PAX6: variants seen among roughly 807,000 people sequenced by gnomAD.
The protein encoded by PAX6 is paired box protein Pax-6.
A neutral mutation model predicts 60.7 loss-of-function variants in PAX6; 7 were observed. The observed-to-expected ratio is 0.12, with a 90% CI of 0.07 to 0.22. The LOEUF (loss-of-function observed/expected upper bound fraction) is 0.22. PAX6 is among the 10% of genes least tolerant of loss of function. The probability of loss-of-function intolerance (pLI) is 1.00; values close to 1 mark genes in which losing one functional copy is unlikely to be tolerated. For synonymous variants in PAX6, 208 were observed against 201.2 expected (o/e 1.03, Z -0.29); for missense variants, 355 against 555.2 (o/e 0.64, Z 3.62).
intron 8 of PAX6, among the ~76,000 whole-genome samples, chr11:31,797,661 G>T (rs897059341): frequency 6.6e-6 from 1 of 152,182 alleles, no homozygotes; most frequent in African/African-American, 2.4e-5. Flanking sequence ...GCAGCCAGGC[G>T]GTGACCTAGC....
At chr11:31,794,994 G>A (rs1057102698) in intron 8 of PAX6, among the ~76,000 whole-genome samples, 5 of 152,168 alleles carry the variant, frequency 3.3e-5, no homozygotes, top group Admixed American at 1.3e-4. Flanking sequence ...TTATCAAGAT[G>A]AGACTTTATA....
intron 8 of PAX6, among the ~76,000 whole-genome samples, chr11:31,798,950 C>A (rs1952617151): frequency 6.6e-6 from 1 of 151,892 alleles, no homozygotes; most frequent in Non-Finnish European, 1.5e-5. Flanking sequence ...CCGGGGAGAG[C>A]CCGGAGTGGA....
At chr11:31,794,890 C>G in intron 8 of PAX6, 102 bp from the exon 9 acceptor site, 1 of 1,074,156 alleles carries the variant, frequency 9.3e-7, no homozygotes, top group Admixed American at 1.8e-5. Context: ...TATATCCCGA[C>G]AGCCTCACCA....
intron 4 of PAX6, 151 bp downstream of exon 4, chr11:31,806,251 G>T (rs1368082094): frequency 2.7e-6 from 2 of 746,586 alleles, no homozygotes; most frequent in Non-Finnish European, 4.1e-6. Context: ...GGGCTGCCGG[G>T]CGCGGAGCGG....
intron 4 of PAX6, 39 bp downstream of exon 4, chr11:31,806,363 C>A (rs758458886): frequency 1.3e-6 from 2 of 1,598,028 alleles, no homozygotes; most frequent in Non-Finnish European, 1.7e-6. Flanking sequence ...GGTCCGCGCA[C>A]CCCGAGCCCG....
chr11:31,790,977 C>T (rs746225191), intron 12 of PAX6, 117 bp from the exon 13 acceptor site: 72 of 1,050,448 alleles, frequency 6.9e-5, no homozygotes, highest in Non-Finnish European at 9.5e-5. Flanking sequence ...GATGCCTTCA[C>T]GTGAAGTACT....
chr11:31,800,434 C>T, intron 8 of PAX6: 1 of 587,952 alleles, frequency 1.7e-6, no homozygotes, highest in Non-Finnish European at 3.1e-6. Context: ...GTGCTGCCCA[C>T]AAACACACAC....
chr11:31,790,023 G>C lies in PAX6; in HGVS notation c.1226-4C>G, dbSNP rs11031477. On this transcript the variant is annotated splice_polypyrimidine_tract_variant and splice_region_variant and intron_variant, in intron 13 of 13. Coordinates refer to ENST00000640368, the MANE Select transcript of PAX6 (RefSeq NM_001368894.2). ...GACACACCAGGGGAAATGAGTCCTA[G>C]AAGTGGATGAAAGAAATAGCCATGT... The C allele has an allele frequency of 1.4e-6, 2 of 1,478,344 alleles. No individual in the cohort carries two copies. The highest frequency in any genetic ancestry group is 9.0e-7 in the Non-Finnish European group (1 of 1,106,862). 91.6% of individuals were successfully genotyped at this position (1,478,344 alleles called of 1,614,324 possible).
chr11:31,799,212 A>G (rs1436951755), intron 8 of PAX6, among the ~76,000 whole-genome samples: 2 of 152,188 alleles, frequency 1.3e-5, no homozygotes, highest in African/African-American at 4.8e-5. Context: ...GGTGGGGTCA[A>G]TCGCTAGTCT....
chr11:31,806,472 A>G lies in PAX6; in HGVS notation c.-51-10T>C. ...GCTCGAATATGGGGCTCTGTTAGCA[A>G]GAAAATAGGAGTTAATCCTCGGGCA... On this transcript the variant is annotated splice_polypyrimidine_tract_variant and intron_variant, in intron 3 of 13. Transcript: ENST00000640368. 6.3e-7 allele frequency: 1 copy of G among 1,583,122 alleles called. No individual in the cohort carries two copies. Among genetic ancestry groups the G allele is most frequent in the Admixed American group, 1.8e-5 (1 of 56,596 alleles).
At chr11:31,806,334 T>G in intron 4 of PAX6, 68 bp downstream of exon 4, 2 of 1,563,284 alleles carry the variant, frequency 1.3e-6, no homozygotes, top group Non-Finnish European at 8.7e-7. Context: ...CGAGTCCCTG[T>G]GTCCTCCCCT....
At chr11:31,807,277 G>C (rs1486897106) in intron 2 of PAX6, 1 of 152,616 alleles carries the variant, frequency 6.6e-6, no homozygotes, top group African/African-American at 2.4e-5. Flanking sequence ...GGGGTGTGAG[G>C]GGAGAGGAAT....
In PAX6 at chr11:31,790,770, G is replaced by A. The variant is rs1474010002; in HGVS notation, c.1165C>T (p.Pro389Ser). The change falls in exon 13 of 14, where the codon CCA (proline) becomes TCA (serine). Residue 389 changes from proline to serine, a missense_variant. Around this residue, in one of 5 missense-constraint regions of PAX6, gnomAD observed 149 missense variants for 191.9 expected, o/e 0.78. Transcript: ENST00000640368. Reference protein sequence around the residue: ...NGRSYDTYTPPHMQTHMNSQP... With the variant: ...NGRSYDTYTPSHMQTHMNSQP... Reference sequence around the variant, plus strand: ...CTGTTCATGTGTGTCTGCATATGTGGGGGGGTGTAGGTATCATAACTCCGC... The same window carrying A: ...CTGTTCATGTGTGTCTGCATATGTGAGGGGGTGTAGGTATCATAACTCCGC... The A allele has an allele frequency of 1.2e-6, 2 of 1,613,970 alleles. No homozygotes were observed. The highest frequency in any genetic ancestry group is 1.7e-5 in the Admixed American group (1 of 60,004).
chr11:31,790,997 T>C lies in PAX6; in HGVS notation c.1075-137A>G, dbSNP rs770435171. The C allele has an allele frequency of 4.4e-6, 4 of 914,386 alleles. No homozygotes were observed. The African/African-American group carries it at 6.6e-5, about 15-fold the overall frequency. The allele number at this position is 914,386 out of a possible 1,614,324, so 56.6% of individuals were successfully genotyped here. A position where few individuals can be genotyped will look rare whatever the true frequency, so the allele number is the denominator to read the frequency against. ...CTTCACGTGAAGTACTGGAATTCCA[T>C]ATGATAAATCTAAGATTGGGCCTCG... On this transcript the variant is annotated intron_variant, in intron 12 of 13. Coordinates refer to ENST00000640368, the MANE Select transcript of PAX6 (RefSeq NM_001368894.2).
rs187389456 is a variant in PAX6 at position 31,816,678 on chromosome 11, C to G, written c.-317+1131G>C. On this transcript the variant is annotated intron_variant, in intron 1 of 12. Transcript: ENST00000241001. ...CCGGACTGCCACTGCGCTCGTCCCCCGTTTCCAGGTGAGGTGAGCAGGGGG... is the reference window on the plus strand; with the variant it reads ...CCGGACTGCCACTGCGCTCGTCCCCGGTTTCCAGGTGAGGTGAGCAGGGGG... The G allele has an allele frequency of 2.9e-3, 1,977 of 685,832 alleles. 25 individuals are homozygous for G. Among genetic ancestry groups the G allele is most frequent in the African/African-American group, 0.028 (1,432 of 51,726 alleles). 42.5% of individuals were successfully genotyped at this position (685,832 alleles called of 1,614,324 possible).
rs200391530 is a variant in PAX6, at chr11:31,789,577, TA to T, written c.*356del. ...AGCTTGTTGATCATGGTTTTCTTTTTAAAAAAAAAAAAAACAACTTCATGAC... is the reference window on the plus strand; with the variant it reads ...AGCTTGTTGATCATGGTTTTCTTTTTAAAAAAAAAAAAACAACTTCATGAC... On this transcript the variant is annotated 3_prime_UTR_variant, in exon 14 of 14. Transcript: ENST00000640368. 0.075 allele frequency: 33,990 copies of T among 450,478 alleles called. 13 individuals carry two copies. The highest frequency in any genetic ancestry group is 0.096 in the South Asian group (3,328 of 34,710). 27.9% of individuals were successfully genotyped at this position (450,478 alleles called of 1,614,324 possible).
intron 6 of PAX6, 23 bp downstream of exon 6, chr11:31,801,848 G>T: frequency 6.2e-7 from 1 of 1,613,176 alleles, no homozygotes; most frequent in Non-Finnish European, 8.5e-7. Flanking sequence ...GTTTAAGTAT[G>T]CATTAAACAA....
chr11:31,807,318 C>G (rs1051250909), intron 2 of PAX6: 2 of 152,596 alleles, frequency 1.3e-5, no homozygotes, highest in African/African-American at 4.8e-5. Flanking sequence ...GGGAAGGGAA[C>G]CTTGGAACTT....
chr11:31,796,938 T>C (rs542278778), intron 8 of PAX6, among the ~76,000 whole-genome samples: 1 of 152,200 alleles, frequency 6.6e-6, no homozygotes, highest in South Asian at 2.1e-4. Context: ...GGCACAAGCG[T>C]CTGTGCTAAT....
Sources: gnomAD v4.1 joint callset for allele counts (sites outside exome capture counted in the v4.1 genomes callset) on GRCh38, gnomAD v4.1.1 for gene constraint, gnomAD v4.1.1 regional missense constraint, MANE v1.5 for transcripts, NCBI Gene and HGNC (gene_info 2026-07-23, HGNC 2026-07-21) for gene names.